The following ROR1 variants were observed in gnomAD, a reference collection of about 807,000 sequenced individuals.
ROR1 encodes ROR family WNT receptor 1, also known as inactive tyrosine-protein kinase transmembrane receptor ROR1.
ROR1 carries 19 observed loss-of-function variants against 78.8 expected under a neutral mutation model. That is an observed-to-expected ratio of 0.24 (90% CI 0.17 to 0.35). The LOEUF is 0.35. Among genes scored for constraint, ROR1 ranks in the 10% least tolerant of loss-of-function variants. ROR1 has a pLI of 1.00. For synonymous variants in ROR1, 386 were observed against 433.6 expected (o/e 0.89, Z 1.36); for missense variants, 917 against 1,177.8 (o/e 0.78, Z 3.24).
At chr1:63,779,573 C>G (rs1644638636) in intron 1 of ROR1, among the ~76,000 whole-genome samples, 1 of 152,116 alleles carries the variant, frequency 6.6e-6, no homozygotes, top group East Asian at 1.9e-4. Flanking sequence ...AATGCAGCTG[C>G]TTGTTACACG....
intron 7 of ROR1, among the ~76,000 whole-genome samples, chr1:64,148,284 A>T (rs1649531217): frequency 6.6e-6 from 1 of 152,106 alleles, no homozygotes; most frequent in South Asian, 2.1e-4. Flanking sequence ...CAGGACTCAC[A>T]TCTGTACTCA....
At chr1:63,834,113 G>A (rs1645005810) in intron 1 of ROR1, among the ~76,000 whole-genome samples, 1 of 149,110 alleles carries the variant, frequency 6.7e-6, no homozygotes, top group Admixed American at 6.8e-5. Flanking sequence ...TAAGCAGGCT[G>A]TTAAGCTCTT....
chr1:64,173,706 C>T (rs1650303644), intron 8 of ROR1, among the ~76,000 whole-genome samples: 1 of 152,204 alleles, frequency 6.6e-6, no homozygotes, highest in Non-Finnish European at 1.5e-5. Flanking sequence ...ATTTGCTTAC[C>T]TCAGTGGAGG....
intron 1 of ROR1, among the ~76,000 whole-genome samples, chr1:63,982,564 G>A (rs1006263398): frequency 2.0e-5 from 3 of 152,118 alleles, no homozygotes; most frequent in African/African-American, 4.8e-5. Flanking sequence ...TGTTTTCTGG[G>A]TAGGCTCAGC....
intron 1 of ROR1, among the ~76,000 whole-genome samples, chr1:63,902,751 T>C (rs1308887822): frequency 6.6e-6 from 1 of 152,234 alleles, no homozygotes; most frequent in Non-Finnish European, 1.5e-5. Context: ...CTAAAACTCA[T>C]GTTTTAATTC....
chr1:64,031,022 A>G (rs557154089), intron 2 of ROR1, among the ~76,000 whole-genome samples: 3 of 152,228 alleles, frequency 2.0e-5, no homozygotes, highest in South Asian at 4.1e-4. Context: ...GATTCCAGGC[A>G]CACACCACCA....
chr1:64,006,966 C>T (rs1469957438), intron 1 of ROR1, among the ~76,000 whole-genome samples: 1 of 151,736 alleles, frequency 6.6e-6, no homozygotes, highest in East Asian at 1.9e-4. Flanking sequence ...CAGTCACCAT[C>T]AGTAAATATG....
At chr1:63,956,260 C>G (rs1645981261) in intron 1 of ROR1, among the ~76,000 whole-genome samples, 1 of 152,166 alleles carries the variant, frequency 6.6e-6, no homozygotes, top group Non-Finnish European at 1.5e-5. Flanking sequence ...ATCGCTCTAG[C>G]TGGGTGGCTG....
At chr1:64,001,847 C>A (rs1307648083) in intron 1 of ROR1, among the ~76,000 whole-genome samples, 1 of 152,162 alleles carries the variant, frequency 6.6e-6, no homozygotes, top group African/African-American at 2.4e-5. Context: ...TTCATAGGCA[C>A]CTTCAGCATC....
chr1:64,042,256 G>T (rs1646751018), intron 2 of ROR1, among the ~76,000 whole-genome samples: 2 of 152,114 alleles, frequency 1.3e-5, no homozygotes, highest in Non-Finnish European at 2.9e-5. Context: ...GAATCTCTAA[G>T]GGTGGGACCC....
chr1:63,955,238 C>T (rs1335676768), intron 1 of ROR1, among the ~76,000 whole-genome samples: 2 of 152,132 alleles, frequency 1.3e-5, no homozygotes, highest in Non-Finnish European at 2.9e-5. Flanking sequence ...ATTAATTTTA[C>T]TTTTTTTCCT....
At chr1:63,872,560 T>G (rs887224238) in intron 1 of ROR1, among the ~76,000 whole-genome samples, 12 of 152,162 alleles carry the variant, frequency 7.9e-5, no homozygotes, top group Middle Eastern at 3.2e-3. Context: ...AAGGATAGAT[T>G]GAAAGATATA....
intron 4 of ROR1, among the ~76,000 whole-genome samples, chr1:64,123,326 G>A (rs142707700): frequency 9.3e-4 from 141 of 152,244 alleles, no homozygotes; most frequent in African/African-American, 2.1e-3. Context: ...GTAAGTTCCC[G>A]GGGTTTTATT....
chr1:63,840,242 C>A (rs961498521), intron 1 of ROR1, among the ~76,000 whole-genome samples: 2 of 151,694 alleles, frequency 1.3e-5, no homozygotes, highest in African/African-American at 4.8e-5. Flanking sequence ...TGAAATAGGA[C>A]CTGAGCTAAC....
chr1:63,843,265 C>T lies in ROR1; in HGVS notation c.91+68757C>T, dbSNP rs1448095644. 5.4e-6 allele frequency: 8 copies of T among 1,494,394 alleles called. No homozygotes were observed. In the East Asian group the frequency reaches 1.4e-4, roughly 26 times the overall value. The allele number at this position is 1,494,394 out of a possible 1,614,324, so 92.6% of individuals were successfully genotyped here. On this transcript the variant is annotated intron_variant, in intron 1 of 8. Transcript: ENST00000371079. ...TCTGCCAGGGTGCAGCGGTCCTTGA[C>T]CTCCTTGTAGCAGTTTGTGTGTAAT...
intron 4 of ROR1, among the ~76,000 whole-genome samples, chr1:64,126,981 C>T (rs551047082): frequency 1.3e-5 from 2 of 152,258 alleles, no homozygotes; most frequent in South Asian, 4.1e-4. Flanking sequence ...AATTCTCTCC[C>T]TTCTGCTGAG....
chr1:64,096,447 T>C (rs1647303002), intron 4 of ROR1, among the ~76,000 whole-genome samples: 1 of 152,168 alleles, frequency 6.6e-6, no homozygotes, highest in Non-Finnish European at 1.5e-5. Flanking sequence ...TGTCCATGTG[T>C]TCTCATCATT....
At chr1:63,996,299 G>T (rs1430545090) in intron 1 of ROR1, among the ~76,000 whole-genome samples, 2 of 152,120 alleles carry the variant, frequency 1.3e-5, no homozygotes, top group Admixed American at 1.3e-4. Flanking sequence ...AAACTAAAAG[G>T]CTCTGGGAAG....
intron 1 of ROR1, among the ~76,000 whole-genome samples, chr1:63,906,163 A>C (rs1170397253): frequency 6.6e-6 from 1 of 152,196 alleles, no homozygotes; most frequent in African/African-American, 2.4e-5. Flanking sequence ...AAAACAAACT[A>C]GATGAAAAAT....
Sources: allele counts gnomAD v4.1 joint callset (sites outside exome capture counted in the v4.1 genomes callset), GRCh38; gene constraint gnomAD v4.1.1; transcripts MANE v1.5; gene names NCBI Gene and HGNC (gene_info 2026-07-23, HGNC 2026-07-21).